The following BCORL1 variants were observed in gnomAD, a reference collection of about 807,000 sequenced individuals.
BCORL1 encodes BCL-6 corepressor-like protein 1.
In BCORL1, 7 loss-of-function variants were observed where a neutral mutation model predicts 87.6. The observed-to-expected ratio is 0.08, with a 90% CI of 0.05 to 0.15. BCORL1 has a LOEUF of 0.15. Ranked by LOEUF, BCORL1 falls within the 10% of genes least tolerant of loss-of-function variation. BCORL1 has a pLI of 1.00. For missense variants in BCORL1, 1,215 were observed against 1,499.7 expected, an observed-to-expected ratio of 0.81 and a Z score of 3.13; for synonymous variants, 591 against 634.4, an observed-to-expected ratio of 0.93 and a Z score of 1.03.
chrX:130,003,374 C>CTTCTTCTTCTTCTTCT (rs59660230), intron 1 of BCORL1, among the ~76,000 whole-genome samples: 2 of 91,516 alleles, frequency 2.2e-5, no homozygotes, highest in African/African-American at 4.3e-5. Context: ...TCTTCTTCTT[C>CTTCTTCTTCTTCTTCT]TTTTTTTTTT....
At chrX:130,027,915 T>C (rs1930347544) in intron 7 of BCORL1, among the ~76,000 whole-genome samples, 1 of 111,981 alleles carries the variant, frequency 8.9e-6, no homozygotes, top group Non-Finnish European at 1.9e-5. Flanking sequence ...ATGAAGCTCT[T>C]GATAATGGAG....
Position 130,013,706 on chromosome X carries a change from C to T in BCORL1, c.934C>T (p.Pro312Ser), listed in dbSNP as rs1177045353. The change falls in exon 4 of 14, where the codon CCT (proline) becomes TCT (serine). Residue 312 changes from proline to serine, a missense_variant. Physicochemically the swap from Pro to Ser is moderately conservative, Grantham distance 74. Around this residue, in one of 5 missense-constraint regions of BCORL1, gnomAD observed 861 missense variants for 1,010.0 expected, o/e 0.85. Transcript: ENST00000540052. ...PAPLSVPVSA[P>S]PLALIQAPVP... ...CCCGCTTTCAGTCCCAGTTTCAGCTCCTCCCTTGGCTCTCATCCAGGCTCC... is the reference window on the plus strand; with the variant it reads ...CCCGCTTTCAGTCCCAGTTTCAGCTTCTCCCTTGGCTCTCATCCAGGCTCC... 8.3e-7 allele frequency: 1 copy of T among 1,206,726 alleles called. No individual in the cohort carries two copies. Among genetic ancestry groups the T allele is most frequent in the Non-Finnish European group, 1.1e-6 (1 of 893,697 alleles).
chrX:130,057,147 G>T lies in BCORL1; in HGVS notation c.*1011G>T. The T allele has an allele frequency of 9.4e-6, 1 of 106,055 alleles. No homozygotes were observed. 8.7% of individuals were successfully genotyped at this position (106,055 alleles called of 1,213,427 possible). ...CCAGCCCTCAGCCACCCCCATCCCT[G>T]CCCCTTCTGAGACTCACAGCACCCC... On this transcript the variant is annotated 3_prime_UTR_variant, in exon 14 of 14. Transcript: ENST00000540052.
At chrX:130,009,917 C>T (rs772906836) in intron 2 of BCORL1, among the ~76,000 whole-genome samples, 29 of 111,650 alleles carry the variant, frequency 2.6e-4, no homozygotes, top group African/African-American at 9.1e-4. Context: ...GCAAGTTACT[C>T]CTGTCCCAGG....
chrX:129,980,372 C>T (rs1926015065), upstream of BCORL1, among the ~76,000 whole-genome samples: 1 of 113,179 alleles, frequency 8.8e-6, no homozygotes, highest in South Asian at 3.5e-4. Context: ...GCGACAGCGG[C>T]CGGGGGCTCT....
rs1344794951 is a variant in BCORL1, at chrX:130,057,770, A to G, written c.*1634A>G. Reference sequence around the variant, plus strand: ...TGTTTGTTCTTTGTTCCTGGGGGGGAAGTTCTCGGCCCCCTTCTGTAGGAC... The same window carrying G: ...TGTTTGTTCTTTGTTCCTGGGGGGGGAGTTCTCGGCCCCCTTCTGTAGGAC... On this transcript the variant is annotated 3_prime_UTR_variant, in exon 14 of 14. Transcript: ENST00000540052. The G allele has an allele frequency of 1.9e-5, 2 of 104,747 alleles. No homozygotes were observed. Among genetic ancestry groups the G allele is most frequent in the African/African-American group, 3.5e-5 (1 of 28,328 alleles). The allele number at this position is 104,747 out of a possible 1,213,427, so 8.6% of individuals were successfully genotyped here. A position where few individuals can be genotyped will look rare whatever the true frequency, so the allele number is the denominator to read the frequency against.
At position 130,015,884 on chromosome X, in the gene BCORL1, C is replaced by T. The variant is rs757897360; in HGVS notation, c.3112C>T (p.Pro1038Ser). 6.6e-6 allele frequency: 8 copies of T among 1,209,843 alleles called. No individual in the cohort carries two copies. The Admixed American group carries it at 1.3e-4, about 20-fold the overall frequency. Residue 1038 changes from proline (P) to serine (S), a missense_variant, in exon 4 of 14, where the codon CCA (proline) becomes TCA (serine). Pro to Ser is a moderately conservative substitution (Grantham distance 74). This residue lies in a region of BCORL1 where 861 missense variants were observed against 1,010.0 expected (regional missense o/e 0.85). Transcript: ENST00000540052. The stretch of plus-strand genomic sequence containing the variant: ...CAGGAGGGGCTCCAGCACAGAGCGC[C>T]CACAGCTTGGAAGCCAGGTGGATCT... ...SSRRGSSTERPQLGSQVDLGR... is the reference protein window; with the variant it reads ...SSRRGSSTERSQLGSQVDLGR...
At chrX:129,997,942 G>A (rs1468216469) in intron 1 of BCORL1, among the ~76,000 whole-genome samples, 3 of 106,320 alleles carry the variant, frequency 2.8e-5, no homozygotes, top group Non-Finnish European at 5.8e-5. Flanking sequence ...TCTTGGGTAG[G>A]CCTTTTACTT....
intron 1 of BCORL1, among the ~76,000 whole-genome samples, chrX:129,998,372 A>T: frequency 1.0e-5 from 1 of 95,329 alleles, no homozygotes; most frequent in East Asian, 3.8e-4. Context: ...TGGTGGGGGG[A>T]GGTGGGAAGG....
intron 10 of BCORL1, 77 bp downstream of exon 10, chrX:130,037,610 C>T (rs1931036488): frequency 1.9e-6 from 2 of 1,080,786 alleles, no homozygotes; most frequent in Non-Finnish European, 2.5e-6. Flanking sequence ...TTGCCTGCCG[C>T]TGGCAGGCAT....
At position 130,045,919 on chromosome X, in the gene BCORL1, C is replaced by T. The variant is rs183210493; in HGVS notation, c.4841-4798C>T. ...AAGTGTGAGCCATTGCACTGAGCTT[C>T]TGCGGGTGCTTTTTTAAAAAAGAAT... is the stretch of plus-strand genomic sequence containing the variant. On this transcript the variant is annotated intron_variant, in intron 11 of 13. Coordinates refer to ENST00000540052, the MANE Select transcript of BCORL1 (RefSeq NM_001379451.1). Among the ~76,000 whole-genome samples the T allele has an allele frequency of 3.0e-3, 334 of 111,017 alleles. 1 individual carries two copies. The highest frequency in any genetic ancestry group is 4.9e-3 in the Non-Finnish European group (258 of 53,005).
intron 11 of BCORL1, among the ~76,000 whole-genome samples, chrX:130,050,361 C>G (rs759870119): frequency 6.3e-5 from 7 of 110,437 alleles, no homozygotes; most frequent in Non-Finnish European, 1.3e-4. Context: ...TCACTTGAGC[C>G]CAGGAGTTCA....
chrX:130,005,156 G>T, intron 1 of BCORL1, 32 bp from the exon 2 acceptor site: 2 of 888,884 alleles, frequency 2.3e-6, no homozygotes, highest in South Asian at 2.5e-5. Context: ...TCCCTGTTAC[G>T]AGTTTTGATT....
chrX:130,042,440 A>C (rs1452940530), intron 11 of BCORL1, among the ~76,000 whole-genome samples: 2 of 111,296 alleles, frequency 1.8e-5, no homozygotes, highest in African/African-American at 3.3e-5. Flanking sequence ...ATCAGGCTTA[A>C]TAATGGGAGT....
rs779175826 is a variant in BCORL1, at chrX:130,038,546, A to AT, written c.4695-590dup. Reference sequence around the variant, plus strand: ...GCCCAGGCTGGTATGCAGTGGCACAATCTTGGCTCGCTGCAACCTCTGCCT... The same window carrying AT: ...GCCCAGGCTGGTATGCAGTGGCACAATTCTTGGCTCGCTGCAACCTCTGCCT... On this transcript the variant is annotated intron_variant, in intron 10 of 13. Coordinates refer to ENST00000540052, the MANE Select transcript of BCORL1 (RefSeq NM_001379451.1). Among the ~76,000 whole-genome samples, 7 of 108,694 alleles carry AT rather than the reference A, an allele frequency of 6.4e-5. No homozygotes were observed. In the East Asian group the frequency reaches 2.0e-3, roughly 32 times the overall value. 94.4% of individuals were successfully genotyped at this position (108,694 alleles called of 115,157 possible).
At chrX:130,030,998 C>T (rs962766073) in intron 8 of BCORL1, among the ~76,000 whole-genome samples, 8 of 112,818 alleles carry the variant, frequency 7.1e-5, no homozygotes, top group African/African-American at 2.3e-4. Flanking sequence ...ACACTGAAAG[C>T]GGGGCACTGG....
In BCORL1 at chrX:130,039,161, T is replaced by A; in HGVS notation, c.4719T>A (p.Asn1573Lys). Residue 1573 changes from asparagine (N) to lysine (K), a missense_variant, in exon 11 of 14, where the codon AAT (asparagine) becomes AAA (lysine). Around this residue, in one of 5 missense-constraint regions of BCORL1, gnomAD observed 55 missense variants for 115.1 expected, o/e 0.48. Transcript: ENST00000540052. Reference protein sequence around the residue: ...GTRPVHDAVVNDNLETIWLLL... With the variant: ...GTRPVHDAVVKDNLETIWLLL... ...GGCCAGTTCATGATGCGGTGGTCAA[T>A]GACAACCTGGAGACCATCTGGCTCC... is the stretch of plus-strand genomic sequence containing the variant. 1 of 1,211,565 alleles carries A rather than the reference T, an allele frequency of 8.3e-7. No individual in the cohort carries two copies. The highest frequency in any genetic ancestry group is 1.1e-6 in the Non-Finnish European group (1 of 895,415).
intron 4 of BCORL1, 43 bp from the exon 5 acceptor site, chrX:130,020,939 TAAG>T: frequency 9.0e-7 from 1 of 1,115,707 alleles, no homozygotes; most frequent in African/African-American, 1.9e-5. Flanking sequence ...AGAGCTTTCT[TAAG>T]AAGCAAAACT....
chrX:129,998,437 T>A (rs1031050973), intron 1 of BCORL1, among the ~76,000 whole-genome samples: 2 of 111,528 alleles, frequency 1.8e-5, no homozygotes, highest in Non-Finnish European at 3.8e-5. Flanking sequence ...TACAAGTGTG[T>A]AAACCAGCAG....
Sources: gnomAD v4.1 joint callset for allele counts (sites outside exome capture counted in the v4.1 genomes callset) on GRCh38, gnomAD v4.1.1 for gene constraint, gnomAD v4.1.1 regional missense constraint, MANE v1.5 for transcripts, NCBI Gene and HGNC (gene_info 2026-07-23, HGNC 2026-07-21) for gene names.